The following CMKLR2 variants were observed in gnomAD, a reference collection of about 807,000 sequenced individuals.
CMKLR2 encodes chemerin chemokine-like receptor 2.
A neutral mutation model predicts 23.0 loss-of-function variants in CMKLR2; 18 were observed. That is an observed-to-expected ratio of 0.78 (90% CI 0.54 to 1.16). The LOEUF (loss-of-function observed/expected upper bound fraction) is 1.16, where lower values mean the gene tolerates loss of function less well. Among genes scored for constraint, CMKLR2 ranks in the 50% most tolerant of loss-of-function variants. The probability of loss-of-function intolerance (pLI) is 0.00; values close to 1 mark genes in which losing one functional copy is unlikely to be tolerated. For missense variants in CMKLR2, 401 were observed against 412.7 expected (o/e 0.97, Z 0.25); for synonymous variants, 158 against 158.9 (o/e 0.99, Z 0.05).
In CMKLR2 at chr2:206,176,558, G is replaced by T; in HGVS notation, c.690C>A (p.Ile230=). The change falls in exon 2 of 2, where the codon ATC becomes ATA. Residue 230 remains isoleucine (I), a synonymous_variant. Coordinates refer to ENST00000621141, the MANE Select transcript of CMKLR2 (RefSeq NM_001389445.1). ...LTMSICYLCL[I]FKVKKRSILI... The stretch of plus-strand genomic sequence containing the variant: ...GGATGCTTCGCTTCTTCACCTTGAA[G>T]ATGAGACACAAGTAGCAAATACTCA... 6.2e-7 allele frequency: 1 copy of T among 1,614,112 alleles called. No homozygotes were observed. The highest frequency in any genetic ancestry group is 8.5e-7 in the Non-Finnish European group (1 of 1,180,008).
chr2:206,206,917 CTT>C (rs66681603), intron 1 of CMKLR2, among the ~76,000 whole-genome samples: 1 of 126,150 alleles, frequency 7.9e-6, no homozygotes, highest in Non-Finnish European at 1.6e-5. Flanking sequence ...CCCCCTGCCC[CTT>C]TTTTTTTTTT....
In CMKLR2 at chr2:206,186,788, C is replaced by CT. The variant is rs532845990; in HGVS notation, c.-28-9514dup. 5.1e-3 allele frequency among the ~76,000 whole-genome samples: 666 copies of CT among 129,376 alleles called. 1 individual carries two copies. Among genetic ancestry groups the CT allele is most frequent in the African/African-American group, 0.012 (413 of 35,292 alleles). 84.9% of individuals were successfully genotyped at this position (129,376 alleles called of 152,430 possible). Reference sequence around the variant, plus strand: ...GGTGCTGCTGGTAAGACTCTGCTGCCTTTTTTTTTTTTTTTTTTTAAGACA... The same window carrying CT: ...GGTGCTGCTGGTAAGACTCTGCTGCCTTTTTTTTTTTTTTTTTTTTAAGACA... On this transcript the variant is annotated intron_variant, in intron 1 of 1. Coordinates refer to ENST00000621141, the MANE Select transcript of CMKLR2 (RefSeq NM_001389445.1).
upstream of CMKLR2, among the ~76,000 whole-genome samples, chr2:206,214,199 A>T (rs1475390196): frequency 7.0e-5 from 6 of 85,370 alleles, no homozygotes; most frequent in Non-Finnish European, 1.1e-4. Context: ...TTTGAGACGG[A>T]GTCTCGCTGT....
At chr2:206,210,068 A>G (rs1367563769) in intron 1 of CMKLR2, among the ~76,000 whole-genome samples, 2 of 150,786 alleles carry the variant, frequency 1.3e-5, no homozygotes, top group African/African-American at 2.4e-5. Flanking sequence ...GGTTCAAGCA[A>G]TTCTCGTGCC....
chr2:206,206,216 T>G (rs1689311874), intron 1 of CMKLR2, among the ~76,000 whole-genome samples: 1 of 152,238 alleles, frequency 6.6e-6, no homozygotes, highest in South Asian at 2.1e-4. Context: ...GTTTGTTGTA[T>G]GTAAAGAACT....
intron 1 of CMKLR2, among the ~76,000 whole-genome samples, chr2:206,200,929 T>G: frequency 7.1e-6 from 1 of 140,000 alleles, no homozygotes; most frequent in East Asian, 2.5e-4. Context: ...GTTTTTTCCT[T>G]TTCTTTCTTC....
chr2:206,176,066 C>G lies in CMKLR2; in HGVS notation c.*114G>C. The G allele has an allele frequency of 9.4e-6, 7 of 743,194 alleles. No individual in the cohort carries two copies. Among genetic ancestry groups the G allele is most frequent in the Non-Finnish European group, 1.5e-5 (7 of 465,642 alleles). The allele number at this position is 743,194 out of a possible 1,614,324, so 46.0% of individuals were successfully genotyped here. A position where few individuals can be genotyped will look rare whatever the true frequency, so the allele number is the denominator to read the frequency against. On this transcript the variant is annotated 3_prime_UTR_variant, in exon 2 of 2. Transcript: ENST00000621141. Reference sequence around the variant, plus strand: ...GTGATGCCTATATAGTGACCAGAAACAATAACTATGAAAGTGGAGTCGGCT... The same window carrying G: ...GTGATGCCTATATAGTGACCAGAAAGAATAACTATGAAAGTGGAGTCGGCT...
chr2:206,195,813 G>C (rs1688902171), intron 1 of CMKLR2, among the ~76,000 whole-genome samples: 1 of 152,030 alleles, frequency 6.6e-6, no homozygotes, highest in South Asian at 2.1e-4. Flanking sequence ...AATTAGCTGG[G>C]AGCAGTGGCG....
At chr2:206,178,345 C>T (rs1479046794) in intron 1 of CMKLR2, among the ~76,000 whole-genome samples, 1 of 152,162 alleles carries the variant, frequency 6.6e-6, no homozygotes, top group East Asian at 1.9e-4. Flanking sequence ...CCTACTATTT[C>T]CTAGACCAAT....
intron 1 of CMKLR2, among the ~76,000 whole-genome samples, chr2:206,202,522 G>A (rs987204042): frequency 6.6e-6 from 1 of 152,062 alleles, no homozygotes; most frequent in Non-Finnish European, 1.5e-5. Flanking sequence ...GTGCAGTGGC[G>A]CAATAATGGT....
At chr2:206,205,684 C>G (rs977667292) in intron 1 of CMKLR2, among the ~76,000 whole-genome samples, 1 of 150,694 alleles carries the variant, frequency 6.6e-6, no homozygotes, top group Admixed American at 6.6e-5. Flanking sequence ...ACACAGTGTT[C>G]GGTGTATTAT....
chr2:206,203,896 T>C (rs1689207818), intron 1 of CMKLR2: 1 of 152,244 alleles, frequency 6.6e-6, no homozygotes, highest in Non-Finnish European at 1.5e-5. Context: ...AAGCTTACCA[T>C]ATAAGTGTTT....
chr2:206,207,605 A>T (rs1401492650), intron 1 of CMKLR2, among the ~76,000 whole-genome samples: 1 of 152,148 alleles, frequency 6.6e-6, no homozygotes, highest in Non-Finnish European at 1.5e-5. Flanking sequence ...GCATTGTCAC[A>T]TTTAACTCTC....
In CMKLR2 at chr2:206,177,075, A is replaced by T. The variant is rs141873416; in HGVS notation, c.173T>A (p.Ile58Asn). 1.7e-5 allele frequency: 28 copies of T among 1,614,124 alleles called. No individual in the cohort carries two copies. The East Asian group carries it at 1.8e-4, about 10-fold the overall frequency. The change falls in exon 2 of 2, where the codon ATC becomes AAC. Residue 58 changes from isoleucine to asparagine, a missense_variant. Transcript: ENST00000621141. ...CTTGAACCCCGTGAACCAAATGACG[A>T]TGGCATTTCCTGGAATTCCCAGAAC... Reference protein sequence around the residue: ...AFVLGIPGNAIVIWFTGFKWK... With the variant: ...AFVLGIPGNANVIWFTGFKWK...
chr2:206,210,431 C>G (rs1689516151), intron 1 of CMKLR2, among the ~76,000 whole-genome samples: 1 of 151,118 alleles, frequency 6.6e-6, no homozygotes, highest in Admixed American at 6.6e-5. Flanking sequence ...CAGGTCTTTG[C>G]TATTGTGAAT....
chr2:206,214,844 C>T (rs1311321381), upstream of CMKLR2, among the ~76,000 whole-genome samples: 2 of 151,828 alleles, frequency 1.3e-5, no homozygotes, highest in African/African-American at 4.8e-5. Context: ...CCAGGATGGT[C>T]TCGATCTCCT....
Position 206,211,603 on chromosome 2 carries a change from G to A in CMKLR2, c.-29+1704C>T, listed in dbSNP as rs150543557. Among the ~76,000 whole-genome samples, 3 of 152,040 alleles carry A rather than the reference G, an allele frequency of 2.0e-5. No homozygotes were observed. In the East Asian group the frequency reaches 5.8e-4, roughly 29 times the overall value. On this transcript the variant is annotated intron_variant, in intron 1 of 1. Transcript: ENST00000621141. ...TCCACACCATGCCTGAACAGTTACT[G>A]TCACTAAAACTATCATATCACCAGT...
chr2:206,207,999 C>G (rs1689401832), intron 1 of CMKLR2, among the ~76,000 whole-genome samples: 1 of 152,034 alleles, frequency 6.6e-6, no homozygotes, highest in Admixed American at 6.6e-5. Context: ...TTCGGCCCCT[C>G]AAAGTGCTGG....
intron 1 of CMKLR2, among the ~76,000 whole-genome samples, chr2:206,199,523 C>G (rs1358733623): frequency 6.6e-6 from 1 of 152,028 alleles, no homozygotes. Context: ...TGGTAAAATA[C>G]ATGACCTTCA....
Sources: gnomAD v4.1 joint callset for allele counts (sites outside exome capture counted in the v4.1 genomes callset) on GRCh38, gnomAD v4.1.1 for gene constraint, MANE v1.5 for transcripts, NCBI Gene and HGNC (gene_info 2026-07-23, HGNC 2026-07-21) for gene names.